Variants in TAF2 observed in about 807,000 individuals in gnomAD.
TAF2 encodes the protein TATA-box binding protein associated factor 2, also known as transcription initiation factor TFIID subunit 2.
Under a neutral mutation model 138.5 loss-of-function variants are expected in TAF2, and 61 were observed. The ratio of observed to expected loss-of-function variants is 0.44; its 90% CI spans 0.36 to 0.54. The LOEUF (loss-of-function observed/expected upper bound fraction) is 0.54, where lower values mean the gene tolerates loss of function less well. Among genes scored for constraint, TAF2 ranks in the 20% least tolerant of loss-of-function variants. TAF2 has a pLI of 0.00. For missense variants in TAF2, 1,090 were observed against 1,427.9 expected, an observed-to-expected ratio of 0.76 and a Z score of 3.81; for synonymous variants, 475 against 469.9, an observed-to-expected ratio of 1.01 and a Z score of -0.14.
At chr8:119,743,441 A>C (rs1248599236) in intron 24 of TAF2, among the ~76,000 whole-genome samples, 1 of 152,156 alleles carries the variant, frequency 6.6e-6, no homozygotes, top group East Asian at 1.9e-4. Flanking sequence ...CCAGGGAAAA[A>C]GCATATACGA....
chr8:119,815,691 C>T (rs1825414756), intron 3 of TAF2, among the ~76,000 whole-genome samples: 3 of 151,990 alleles, frequency 2.0e-5, no homozygotes. Flanking sequence ...CTGACAAAGT[C>T]TACATTTAAC....
intron 16 of TAF2, among the ~76,000 whole-genome samples, chr8:119,782,234 T>C (rs1428418330): frequency 6.6e-6 from 1 of 152,200 alleles, no homozygotes; most frequent in Non-Finnish European, 1.5e-5. Context: ...TATTTAAGGC[T>C]GTAAGCATGC....
intron 1 of TAF2, among the ~76,000 whole-genome samples, chr8:119,832,006 A>G (rs987591465): frequency 6.6e-6 from 1 of 152,150 alleles, no homozygotes; most frequent in African/African-American, 2.4e-5. Flanking sequence ...TAAAAATACA[A>G]AAGTTAGCCG....
chr8:119,758,744 T>C (rs1204966349), intron 20 of TAF2, among the ~76,000 whole-genome samples: 1 of 152,174 alleles, frequency 6.6e-6, no homozygotes, highest in Non-Finnish European at 1.5e-5. Flanking sequence ...GTCTTCAGAA[T>C]TTTATTTGCA....
chr8:119,822,409 G>C (rs904445861), intron 2 of TAF2, among the ~76,000 whole-genome samples: 1 of 151,782 alleles, frequency 6.6e-6, no homozygotes, highest in Non-Finnish European at 1.5e-5. Context: ...TTTTTCTCTA[G>C]AGACGGGTCT....
intron 2 of TAF2, among the ~76,000 whole-genome samples, chr8:119,830,668 T>C (rs1424718563): frequency 2.0e-5 from 3 of 152,206 alleles, no homozygotes; most frequent in African/African-American, 7.2e-5. Flanking sequence ...TTTCTATCTA[T>C]TCAGCTTATC....
chr8:119,758,281 T>C (rs1281474753), intron 20 of TAF2, 139 bp from the exon 21 acceptor site: 10 of 697,500 alleles, frequency 1.4e-5, no homozygotes, highest in Admixed American at 5.1e-5. Flanking sequence ...AGGTTATAGG[T>C]AAGCTCTTAT....
chr8:119,745,203 T>C (rs1819873225), intron 23 of TAF2, among the ~76,000 whole-genome samples: 1 of 152,320 alleles, frequency 6.6e-6, no homozygotes, highest in East Asian at 1.9e-4. Flanking sequence ...TGCTGGTCTT[T>C]TTGGGGGGAG....
Position 119,832,811 on chromosome 8 carries a change from A to T in TAF2, c.-247T>A, listed in dbSNP as rs2292291. The T allele has an allele frequency of 4.3e-6, 2 of 461,612 alleles. No individual in the cohort carries two copies. Among genetic ancestry groups the T allele is most frequent in the Admixed American group, 3.8e-5 (1 of 26,394 alleles). The allele number at this position is 461,612 out of a possible 1,614,324, so 28.6% of individuals were successfully genotyped here. A position where few individuals can be genotyped will look rare whatever the true frequency, so the allele number is the denominator to read the frequency against. ...CTCCTCTCCGCAAGGGCTCGAAGCT[A>T]CCATCCGCCGACATCTTGTCTGTAA... On this transcript the variant is annotated 5_prime_UTR_variant, in exon 1 of 26. Coordinates refer to ENST00000378164, the MANE Select transcript of TAF2 (RefSeq NM_003184.4).
At chr8:119,811,784 C>T (rs1029775940) in intron 3 of TAF2, among the ~76,000 whole-genome samples, 7 of 122,192 alleles carry the variant, frequency 5.7e-5, no homozygotes, top group African/African-American at 1.6e-4. Flanking sequence ...CCAGCTTGGG[C>T]GAAAGAGTGA....
At chr8:119,764,403 A>G (rs980879269) in intron 18 of TAF2, among the ~76,000 whole-genome samples, 1 of 152,246 alleles carries the variant, frequency 6.6e-6, no homozygotes, top group Non-Finnish European at 1.5e-5. Context: ...ATGAAAACAC[A>G]GTGAGTCTTA....
intron 3 of TAF2, among the ~76,000 whole-genome samples, chr8:119,817,116 T>C (rs931614471): frequency 1.1e-4 from 17 of 152,224 alleles, no homozygotes; most frequent in African/African-American, 4.1e-4. Flanking sequence ...GAGCTATGGT[T>C]CTAGTTGAAT....
Position 119,803,858 on chromosome 8 carries a change from T to G in TAF2, c.560+20A>C. 1.9e-6 allele frequency: 3 copies of G among 1,597,528 alleles called. No individual in the cohort carries two copies. Among genetic ancestry groups the G allele is most frequent in the Non-Finnish European group, 2.6e-6 (3 of 1,172,546 alleles). Reference sequence around the variant, plus strand: ...TGCAATTTAAAAATTAATTGAAATATTTAAGAATCTATAATCTACCTTGTA... The same window carrying G: ...TGCAATTTAAAAATTAATTGAAATAGTTAAGAATCTATAATCTACCTTGTA... On this transcript the variant is annotated intron_variant, in intron 5 of 25. Transcript: ENST00000378164.
intron 18 of TAF2, among the ~76,000 whole-genome samples, chr8:119,775,838 A>C (rs538350957): frequency 1.3e-5 from 2 of 152,226 alleles, no homozygotes; most frequent in South Asian, 2.1e-4. Context: ...CATCAGATAA[A>C]ATTTCCCTGG....
chr8:119,803,024 T>C (rs1268331780), intron 5 of TAF2, among the ~76,000 whole-genome samples: 1 of 151,876 alleles, frequency 6.6e-6, no homozygotes, highest in African/African-American at 2.4e-5. Context: ...GGTAGGAGAA[T>C]CACTGGAACC....
At chr8:119,751,046 G>C (rs1393852840) in intron 22 of TAF2, among the ~76,000 whole-genome samples, 1 of 151,988 alleles carries the variant, frequency 6.6e-6, no homozygotes, top group Non-Finnish European at 1.5e-5. Context: ...ACAAGCAAAA[G>C]TATTTAAGTC....
intron 2 of TAF2, among the ~76,000 whole-genome samples, chr8:119,822,002 G>C (rs1408272832): frequency 6.6e-6 from 1 of 152,094 alleles, no homozygotes. Context: ...ACGGGTGACA[G>C]AGCAAGATCA....
rs115969479 is a variant in TAF2 at position 119,797,870 on chromosome 8, T to C, written c.793-24A>G. ...ACCTGAAAAGAAGAAGCAAGGAAGA[T>C]CATCTAAATGAAAGAGTTAAATTTA... On this transcript the variant is annotated intron_variant, in intron 6 of 25. Transcript: ENST00000378164. 1.6e-3 allele frequency: 2,640 copies of C among 1,611,186 alleles called. 33 individuals carry two copies. The African/African-American group carries it at 0.032, about 19-fold the overall frequency.
chr8:119,806,469 C>CTTTT (rs71571631), intron 3 of TAF2, 68 bp from the exon 4 acceptor site: 11 of 762,300 alleles, frequency 1.4e-5, no homozygotes, highest in East Asian at 3.4e-5. Flanking sequence ...TTCTTTCTTT[C>CTTTT]TTTTTTTTTT....
Sources: allele counts gnomAD v4.1 joint callset (sites outside exome capture counted in the v4.1 genomes callset), GRCh38; gene constraint gnomAD v4.1.1; transcripts MANE v1.5; gene names NCBI Gene and HGNC (gene_info 2026-07-23, HGNC 2026-07-21).